RNF150: variants seen among roughly 807,000 people sequenced by gnomAD.
RNF150 encodes ring finger protein 150.
In RNF150, 24 loss-of-function variants were observed where a neutral mutation model predicts 39.3. That is an observed-to-expected ratio of 0.61 (90% CI 0.44 to 0.86). The LOEUF is 0.86. Ranked by LOEUF, RNF150 falls within the 40% of genes least tolerant of loss-of-function variation. The probability of loss-of-function intolerance (pLI) is 0.00; values close to 1 mark genes in which losing one functional copy is unlikely to be tolerated. For synonymous variants in RNF150, 255 were observed against 227.3 expected (o/e 1.12, Z -1.10); for missense variants, 502 against 587.8 (o/e 0.85, Z 1.51).
At chr4:141,096,322 G>C (rs1738781967) in intron 1 of RNF150, among the ~76,000 whole-genome samples, 1 of 148,952 alleles carries the variant, frequency 6.7e-6, no homozygotes, top group Non-Finnish European at 1.5e-5. Context: ...TCAGGCTCCT[G>C]AGTAGCTAGG....
At chr4:140,933,988 A>ATATT (rs1355191741) in intron 4 of RNF150, among the ~76,000 whole-genome samples, 10 of 152,140 alleles carry the variant, frequency 6.6e-5, no homozygotes, top group Non-Finnish European at 1.0e-4. Flanking sequence ...TAAAAACATC[A>ATATT]TATTTATTTA....
intron 1 of RNF150, among the ~76,000 whole-genome samples, chr4:141,165,786 C>T (rs1727588950): frequency 6.6e-6 from 1 of 152,010 alleles, no homozygotes; most frequent in South Asian, 2.1e-4. Flanking sequence ...ATCTCGGGGG[C>T]ACAACTAAAG....
chr4:140,971,274 A>G (rs770452231), intron 1 of RNF150, among the ~76,000 whole-genome samples: 11 of 151,840 alleles, frequency 7.2e-5, no homozygotes, highest in Non-Finnish European at 1.3e-4. Context: ...GGGAAGGAGA[A>G]AAAGGGGTGG....
At chr4:140,977,988 G>A (rs536548108) in intron 1 of RNF150, among the ~76,000 whole-genome samples, 1 of 152,222 alleles carries the variant, frequency 6.6e-6, no homozygotes, top group South Asian at 2.1e-4. Context: ...GTTGAAGATG[G>A]GGAGTGTGCT....
At chr4:140,903,909 C>T (rs1560957024) in intron 6 of RNF150, among the ~76,000 whole-genome samples, 2 of 152,178 alleles carry the variant, frequency 1.3e-5, no homozygotes, top group East Asian at 3.9e-4. Flanking sequence ...ATCTGCAGAT[C>T]CTCAACTCTC....
At chr4:141,001,060 G>A (rs1248155490) in intron 1 of RNF150, among the ~76,000 whole-genome samples, 1 of 152,124 alleles carries the variant, frequency 6.6e-6, no homozygotes, top group Non-Finnish European at 1.5e-5. Flanking sequence ...AATAGATGTT[G>A]GAGATGCACA....
chr4:140,955,409 C>T (rs911915985), intron 2 of RNF150, among the ~76,000 whole-genome samples: 3 of 152,094 alleles, frequency 2.0e-5, no homozygotes, highest in African/African-American at 4.8e-5. Flanking sequence ...GCTCTTTGTC[C>T]TATTTTTGTC....
chr4:141,073,662 T>A (rs1737786730), intron 1 of RNF150, among the ~76,000 whole-genome samples: 1 of 60,356 alleles, frequency 1.7e-5, no homozygotes, highest in Non-Finnish European at 6.3e-5. Flanking sequence ...AATATCAAGC[T>A]CGGGGGGGGA....
chr4:141,192,325 A>G (rs960784352), intron 1 of RNF150, among the ~76,000 whole-genome samples: 4 of 152,228 alleles, frequency 2.6e-5, no homozygotes, highest in Admixed American at 2.6e-4. Flanking sequence ...GCAAGATAGG[A>G]AAATGTGACT....
intron 2 of RNF150, among the ~76,000 whole-genome samples, chr4:140,963,539 G>C (rs997033677): frequency 7.1e-6 from 1 of 140,270 alleles, no homozygotes; most frequent in Non-Finnish European, 1.6e-5. Flanking sequence ...CACAGCTCTA[G>C]ATCACAGAAA....
chr4:141,051,090 G>A (rs1269967380), intron 1 of RNF150, among the ~76,000 whole-genome samples: 1 of 152,186 alleles, frequency 6.6e-6, no homozygotes, highest in Non-Finnish European at 1.5e-5. Context: ...CAGGGAAGGT[G>A]CCAGGCTTAT....
intron 1 of RNF150, among the ~76,000 whole-genome samples, chr4:141,207,345 T>TA (rs1728390587): frequency 6.6e-6 from 1 of 152,190 alleles, no homozygotes; most frequent in South Asian, 2.1e-4. Context: ...TGGCTGGAAT[T>TA]AGAGAGATGC....
chr4:140,959,787 C>T (rs1732941908), intron 2 of RNF150, among the ~76,000 whole-genome samples: 1 of 151,936 alleles, frequency 6.6e-6, no homozygotes, highest in Non-Finnish European at 1.5e-5. Context: ...GAGAAAAATT[C>T]CAGATAGTGG....
chr4:141,165,281 C>T (rs1364159193), intron 1 of RNF150, among the ~76,000 whole-genome samples: 3 of 152,104 alleles, frequency 2.0e-5, no homozygotes, highest in Non-Finnish European at 4.4e-5. Flanking sequence ...AGTACAGGAG[C>T]ACCCAGATTC....
intron 2 of RNF150, among the ~76,000 whole-genome samples, chr4:140,954,510 A>G (rs763508746): frequency 2.0e-5 from 3 of 152,152 alleles, no homozygotes; most frequent in Non-Finnish European, 4.4e-5. Flanking sequence ...CCTGGCCAAA[A>G]TCATGCTTCT....
chr4:140,952,380 A>G (rs915651495), intron 2 of RNF150, among the ~76,000 whole-genome samples: 6 of 152,230 alleles, frequency 3.9e-5, no homozygotes, highest in African/African-American at 1.4e-4. Flanking sequence ...TTCTTTTAAA[A>G]TAATTTTTTA....
At chr4:141,010,991 A>G (rs549806608) in intron 1 of RNF150, among the ~76,000 whole-genome samples, 1 of 152,262 alleles carries the variant, frequency 6.6e-6, no homozygotes, top group East Asian at 1.9e-4. Context: ...TATAATACGT[A>G]TAACAATGGA....
At chr4:140,999,302 G>T (rs963953074) in intron 1 of RNF150, among the ~76,000 whole-genome samples, 1 of 152,186 alleles carries the variant, frequency 6.6e-6, no homozygotes, top group African/African-American at 2.4e-5. Flanking sequence ...CTGCTGATGA[G>T]CAGATCCAGC....
intron 5 of RNF150, among the ~76,000 whole-genome samples, chr4:140,924,301 T>C (rs1731295680): frequency 6.6e-6 from 1 of 152,096 alleles, no homozygotes; most frequent in Admixed American, 6.6e-5. Context: ...ACCCAATAAT[T>C]CTTCTAAAAA....
Sources: allele counts gnomAD v4.1 joint callset (sites outside exome capture counted in the v4.1 genomes callset), GRCh38; gene constraint gnomAD v4.1.1; transcripts MANE v1.5; gene names NCBI Gene and HGNC (gene_info 2026-07-23, HGNC 2026-07-21).